The following KATNAL1 variants were observed in gnomAD, a reference collection of about 807,000 sequenced individuals.
KATNAL1 encodes the protein katanin catalytic subunit A1 like 1.
KATNAL1 carries 32 observed loss-of-function variants against 55.2 expected under a neutral mutation model. The observed-to-expected ratio is 0.58, with a 90% CI of 0.44 to 0.78. The LOEUF is 0.78. KATNAL1 is among the 30% of genes least tolerant of loss of function. The pLI, the probability that KATNAL1 is intolerant of heterozygous loss-of-function variation, is 0.00. For synonymous variants in KATNAL1, 193 were observed against 193.6 expected, an observed-to-expected ratio of 1.00 and a Z score of 0.02; for missense variants, 466 against 600.9, an observed-to-expected ratio of 0.78 and a Z score of 2.35.
At chr13:30,232,573 A>C (rs1876213723) in intron 6 of KATNAL1, among the ~76,000 whole-genome samples, 1 of 152,210 alleles carries the variant, frequency 6.6e-6, no homozygotes, top group Non-Finnish European at 1.5e-5. Context: ...TGCTATAGGC[A>C]TAACCAGAGC....
chr13:30,303,909 A>G (rs1328961734), intron 1 of KATNAL1, among the ~76,000 whole-genome samples: 2 of 152,246 alleles, frequency 1.3e-5, no homozygotes, highest in African/African-American at 2.4e-5. Context: ...ATGGTCAAGT[A>G]AAGTCTAGAA....
chr13:30,209,997 T>C (rs927659671), intron 10 of KATNAL1, among the ~76,000 whole-genome samples: 1 of 152,084 alleles, frequency 6.6e-6, no homozygotes, highest in Non-Finnish European at 1.5e-5. Flanking sequence ...TTAGCCAGGA[T>C]GGTCTCGATC....
intron 4 of KATNAL1, among the ~76,000 whole-genome samples, chr13:30,252,694 T>TCCCATATCTCTGA (rs1878429682): frequency 6.6e-6 from 1 of 151,910 alleles, no homozygotes; most frequent in Non-Finnish European, 1.5e-5. Flanking sequence ...CAATAAACAC[T>TCCCATATCTCTGA]GGGGACTCCC....
At chr13:30,220,930 C>T (rs920374170) in intron 9 of KATNAL1, among the ~76,000 whole-genome samples, 6 of 152,178 alleles carry the variant, frequency 3.9e-5, no homozygotes, top group Non-Finnish European at 7.3e-5. Flanking sequence ...AACTCCTGAC[C>T]TCAGGTGATC....
chr13:30,256,917 C>T (rs1207827650), intron 3 of KATNAL1, among the ~76,000 whole-genome samples: 3 of 152,198 alleles, frequency 2.0e-5, no homozygotes, highest in African/African-American at 7.2e-5. Flanking sequence ...GCCTCTACCA[C>T]ACTGACCCTA....
chr13:30,301,282 A>G (rs1882837110), intron 1 of KATNAL1, among the ~76,000 whole-genome samples: 1 of 152,168 alleles, frequency 6.6e-6, no homozygotes, highest in South Asian at 2.1e-4. Flanking sequence ...AGGCGGCAGA[A>G]GCTTGAACCC....
intron 9 of KATNAL1, among the ~76,000 whole-genome samples, chr13:30,225,313 A>T (rs1300764527): frequency 3.3e-5 from 5 of 152,154 alleles, no homozygotes; most frequent in African/African-American, 1.2e-4. Flanking sequence ...GAACTATATA[A>T]TCAGCTTCCA....
At chr13:30,262,861 T>C (rs927126833) in intron 3 of KATNAL1, among the ~76,000 whole-genome samples, 1 of 152,018 alleles carries the variant, frequency 6.6e-6, no homozygotes, top group Non-Finnish European at 1.5e-5. Context: ...CCTCCCTAAC[T>C]CATTTTATGA....
intron 3 of KATNAL1, among the ~76,000 whole-genome samples, chr13:30,265,257 A>G (rs1879656860): frequency 6.6e-6 from 1 of 151,978 alleles, no homozygotes; most frequent in Admixed American, 6.6e-5. Context: ...TAGCATTGGG[A>G]GATATACCTA....
At chr13:30,301,862 G>A (rs1238057231) in intron 1 of KATNAL1, among the ~76,000 whole-genome samples, 1 of 152,022 alleles carries the variant, frequency 6.6e-6, no homozygotes, top group East Asian at 1.9e-4. Context: ...ATTTTATGAA[G>A]TATGTATGTA....
At chr13:30,295,267 G>A (rs759838356) in intron 1 of KATNAL1, among the ~76,000 whole-genome samples, 1 of 152,180 alleles carries the variant, frequency 6.6e-6, no homozygotes, top group Non-Finnish European at 1.5e-5. Flanking sequence ...ATGCCAGTAA[G>A]AACATTTGTG....
chr13:30,212,365 A>AC (rs1873771362), intron 9 of KATNAL1, among the ~76,000 whole-genome samples: 1 of 152,208 alleles, frequency 6.6e-6, no homozygotes, highest in Admixed American at 6.5e-5. Context: ...AAGTCAGACT[A>AC]CCCAATAGCC....
intron 3 of KATNAL1, among the ~76,000 whole-genome samples, chr13:30,260,869 C>T (rs1247854287): frequency 1.4e-5 from 2 of 146,604 alleles, no homozygotes; most frequent in Non-Finnish European, 3.1e-5. Context: ...ATACAGAGAA[C>T]GCCACAAAGA....
intron 3 of KATNAL1, among the ~76,000 whole-genome samples, chr13:30,274,905 GCGCACACACACACACACA>G (rs1476486137): frequency 1.4e-4 from 12 of 84,310 alleles, no homozygotes; most frequent in Non-Finnish European, 2.4e-4. Flanking sequence ...GCGCGCGCGC[GCGCACACACACACACACA>G]CACACACACA....
intron 6 of KATNAL1, among the ~76,000 whole-genome samples, chr13:30,234,317 G>T (rs80007471): frequency 0.013 from 2,017 of 152,188 alleles, 37 homozygotes; most frequent in African/African-American, 0.045. Flanking sequence ...ACCTTCAATG[G>T]TTTATGCTAT....
At chr13:30,220,772 G>A (rs1874772642) in intron 9 of KATNAL1, among the ~76,000 whole-genome samples, 1 of 151,832 alleles carries the variant, frequency 6.6e-6, no homozygotes, top group Non-Finnish European at 1.5e-5. Flanking sequence ...GATCTCGGCT[G>A]ACTGCAACCT....
chr13:30,263,167 C>T (rs1456612248), intron 3 of KATNAL1, among the ~76,000 whole-genome samples: 1 of 152,158 alleles, frequency 6.6e-6, no homozygotes, highest in Non-Finnish European at 1.5e-5. Flanking sequence ...CAAAATTCAA[C>T]AACGCTTCAT....
intron 3 of KATNAL1, 84 bp downstream of exon 3, chr13:30,279,979 T>C (rs1881151022): frequency 1.6e-6 from 2 of 1,235,012 alleles, no homozygotes; most frequent in Non-Finnish European, 2.3e-6. Flanking sequence ...CCAAAAATAA[T>C]TTTTCATACT....
chr13:30,225,060 C>G (rs573034293), intron 9 of KATNAL1, among the ~76,000 whole-genome samples: 1 of 152,320 alleles, frequency 6.6e-6, no homozygotes, highest in African/African-American at 2.4e-5. Context: ...GTTTCTGCCA[C>G]ATTTCTTCCT....
Sources: allele counts gnomAD v4.1 joint callset (sites outside exome capture counted in the v4.1 genomes callset), GRCh38; gene constraint gnomAD v4.1.1; transcripts MANE v1.5; gene names NCBI Gene and HGNC (gene_info 2026-07-23, HGNC 2026-07-21).